The following NOX4 variants were observed in gnomAD, a reference collection of about 807,000 sequenced individuals.
The protein encoded by NOX4 is NADPH oxidase 4.
NOX4 carries 69 observed loss-of-function variants against 87.6 expected under a neutral mutation model. That is an observed-to-expected ratio of 0.79 (90% CI 0.65 to 0.96). The LOEUF is 0.96. Among genes scored for constraint, NOX4 ranks in the 40% least tolerant of loss-of-function variants. The pLI is 0.00. For missense variants in NOX4, 680 were observed against 681.5 expected (o/e 1.00, Z 0.02); for synonymous variants, 275 against 238.2 (o/e 1.15, Z -1.42).
chr11:89,491,758 ACACACAC>A (rs1398992721), upstream of NOX4, among the ~76,000 whole-genome samples: 10 of 144,138 alleles, frequency 6.9e-5, no homozygotes, highest in Non-Finnish European at 1.1e-4. Flanking sequence ...ACACACACAC[ACACACAC>A]AAGAAGACAC....
At chr11:89,394,754 T>G (rs1036757536) in intron 11 of NOX4, among the ~76,000 whole-genome samples, 7 of 152,124 alleles carry the variant, frequency 4.6e-5, no homozygotes, top group African/African-American at 1.7e-4. Flanking sequence ...CATGTGGTGT[T>G]TGCTTCTCTG....
chr11:89,435,428 G>A (rs371914867), intron 6 of NOX4, among the ~76,000 whole-genome samples: 189 of 152,104 alleles, frequency 1.2e-3, no homozygotes, highest in South Asian at 9.1e-3. Context: ...GTTTAGAATA[G>A]AGCCACAATT....
chr11:89,565,669 A>T, the NOX4 span, among the ~76,000 whole-genome samples: 2 of 152,116 alleles, frequency 1.3e-5, no homozygotes, highest in Non-Finnish European at 2.9e-5. Flanking sequence ...TGGCACATGT[A>T]TACATATGTA....
chr11:89,405,813 A>G (rs571815369), intron 8 of NOX4, among the ~76,000 whole-genome samples: 1 of 151,520 alleles, frequency 6.6e-6, no homozygotes, highest in South Asian at 2.1e-4. Flanking sequence ...GTACTTAAGT[A>G]TCTCCCAACA....
the NOX4 span, among the ~76,000 whole-genome samples, chr11:89,573,719 A>T: frequency 3.3e-5 from 5 of 152,180 alleles, no homozygotes; most frequent in Non-Finnish European, 7.3e-5. Context: ...AGAACAGGAA[A>T]AAAAGGAAAG....
the NOX4 span, among the ~76,000 whole-genome samples, chr11:89,576,052 C>A: frequency 1.3e-5 from 2 of 152,176 alleles, no homozygotes; most frequent in Non-Finnish European, 2.9e-5. Context: ...GGCACATGAT[C>A]CAAGCTGAAC....
At chr11:89,357,441 C>A (rs554399663) in intron 12 of NOX4, among the ~76,000 whole-genome samples, 2 of 152,210 alleles carry the variant, frequency 1.3e-5, no homozygotes, top group Non-Finnish European at 1.5e-5. Context: ...ACATTTCTTT[C>A]AATCAAATGA....
At chr11:89,451,132 A>G (rs909729598) in intron 3 of NOX4, among the ~76,000 whole-genome samples, 2 of 151,478 alleles carry the variant, frequency 1.3e-5, no homozygotes, top group Admixed American at 6.6e-5. Flanking sequence ...GTTAATGGGT[A>G]CAGCACACCA....
At chr11:89,549,833 C>CT in the NOX4 span, among the ~76,000 whole-genome samples, 2 of 152,086 alleles carry the variant, frequency 1.3e-5, no homozygotes, top group Non-Finnish European at 2.9e-5. Flanking sequence ...TGAACTCATT[C>CT]TTTTTTACGG....
At chr11:89,349,412 A>G (rs574524341) in intron 13 of NOX4, among the ~76,000 whole-genome samples, 2 of 152,354 alleles carry the variant, frequency 1.3e-5, no homozygotes, top group South Asian at 2.1e-4. Flanking sequence ...ATCTTGAAGA[A>G]GAACTCAAAA....
At chr11:89,582,590 G>A in the NOX4 span, among the ~76,000 whole-genome samples, 1 of 151,996 alleles carries the variant, frequency 6.6e-6, no homozygotes, top group Non-Finnish European at 1.5e-5. Flanking sequence ...TACTAGACCT[G>A]GTAACTGGAT....
At chr11:89,509,628 T>C in the NOX4 span, among the ~76,000 whole-genome samples, 1 of 152,006 alleles carries the variant, frequency 6.6e-6, no homozygotes, top group African/African-American at 2.4e-5. Flanking sequence ...GTTAATGAAT[T>C]TAAACTAAAT....
chr11:89,540,658 G>A, the NOX4 span, among the ~76,000 whole-genome samples: 1 of 150,970 alleles, frequency 6.6e-6, no homozygotes, highest in Non-Finnish European at 1.5e-5. Context: ...CATGGTGGCG[G>A]GCACCTGTAG....
upstream of NOX4, among the ~76,000 whole-genome samples, chr11:89,494,223 C>T (rs1051756549): frequency 6.6e-6 from 1 of 152,136 alleles, no homozygotes; most frequent in African/African-American, 2.4e-5. Context: ...ATGACAGATA[C>T]CTTTGATTTT....
At chr11:89,409,365 C>T (rs1444711066) in intron 8 of NOX4, among the ~76,000 whole-genome samples, 3 of 151,948 alleles carry the variant, frequency 2.0e-5, no homozygotes, top group Non-Finnish European at 4.4e-5. Context: ...GGTCTATCTC[C>T]AAAACTGGGG....
chr11:89,569,871 G>T, the NOX4 span, among the ~76,000 whole-genome samples: 4 of 151,738 alleles, frequency 2.6e-5, no homozygotes, highest in African/African-American at 9.7e-5. Context: ...GCGTGGTGGC[G>T]GGCGCCTGTA....
chr11:89,459,504 T>C (rs1041632535), intron 2 of NOX4, among the ~76,000 whole-genome samples: 1 of 152,154 alleles, frequency 6.6e-6, no homozygotes, highest in South Asian at 2.1e-4. Context: ...CAAGCATTCT[T>C]ATACACCAAT....
At chr11:89,563,902 T>C in the NOX4 span, among the ~76,000 whole-genome samples, 2 of 152,158 alleles carry the variant, frequency 1.3e-5, no homozygotes, top group Non-Finnish European at 2.9e-5. Context: ...AATTTGTAAG[T>C]TCAACTTTTC....
chr11:89,572,095 T>G, the NOX4 span, among the ~76,000 whole-genome samples: 1 of 152,200 alleles, frequency 6.6e-6, no homozygotes, highest in Non-Finnish European at 1.5e-5. Context: ...ACATATTAAT[T>G]GATGTCTCAT....
Sources: gnomAD v4.1 joint callset for allele counts (sites outside exome capture counted in the v4.1 genomes callset) on GRCh38, gnomAD v4.1.1 for gene constraint, MANE v1.5 for transcripts, NCBI Gene and HGNC (gene_info 2026-07-23, HGNC 2026-07-21) for gene names.